The following SORL1 variants were observed in gnomAD, a reference collection of about 807,000 sequenced individuals.
SORL1 encodes sortilin-related receptor.
In SORL1, 127 loss-of-function variants were observed where a neutral mutation model predicts 273.7. The observed-to-expected ratio is 0.46, with a 90% CI of 0.40 to 0.54. The LOEUF (loss-of-function observed/expected upper bound fraction) is 0.54. SORL1 is among the 20% of genes least tolerant of loss of function. The pLI, the probability that SORL1 is intolerant of heterozygous loss-of-function variation, is 0.00. For synonymous variants in SORL1, 1,031 were observed against 1,067.4 expected (o/e 0.97, Z 0.66); for missense variants, 2,494 against 2,846.1 (o/e 0.88, Z 2.81).
Position 121,627,629 on chromosome 11 carries a change from A to C in SORL1, c.6439A>C (p.Ile2147Leu), listed in dbSNP as rs530403192. ...AAVVVPILFLILLSLGVGFAI... is the reference protein window; with the variant it reads ...AAVVVPILFLLLLSLGVGFAI... ...TGTGGTGGTGCCCATCTTATTCCTG[A>C]TACTGCTGAGCCTGGGGGTGGGGTT... Residue 2147 changes from isoleucine to leucine, a missense_variant, in exon 47 of 48, where the codon ATA becomes CTA. By Grantham distance (5) the Ile-to-Leu change is conservative (BLOSUM62 2). This residue lies in a region of SORL1 where 1,609 missense variants were observed against 1,816.4 expected (regional missense o/e 0.89). Coordinates refer to ENST00000260197, the MANE Select transcript of SORL1 (RefSeq NM_003105.6). The surrounding 1 kb of genome is among the most constrained non-coding windows in gnomAD (Gnocchi z 4.9). The C allele has an allele frequency of 1.4e-5, 23 of 1,614,114 alleles. No homozygotes were observed. In the East Asian group the frequency reaches 4.9e-4, roughly 34 times the overall value.
At chr11:121,480,109 C>T (rs541402207) in intron 3 of SORL1, among the ~76,000 whole-genome samples, 1 of 152,236 alleles carries the variant, frequency 6.6e-6, no homozygotes, top group East Asian at 1.9e-4. Flanking sequence ...TCCATATGCG[C>T]CCCGCCTCTC....
intron 41 of SORL1, among the ~76,000 whole-genome samples, 172 bp downstream of exon 41, chr11:121,615,227 A>G (rs565983688): frequency 2.6e-5 from 4 of 152,120 alleles, no homozygotes; most frequent in Admixed American, 6.5e-5. Flanking sequence ...ATGATTCACT[A>G]TGATCAGATC....
At chr11:121,507,529 C>T (rs942397680) in intron 6 of SORL1, among the ~76,000 whole-genome samples, 3 of 151,882 alleles carry the variant, frequency 2.0e-5, no homozygotes, top group African/African-American at 7.3e-5. Context: ...TTTTTATTTT[C>T]CTGGTTCAAA....
intron 1 of SORL1, among the ~76,000 whole-genome samples, chr11:121,466,686 T>A (rs892813411): frequency 7.9e-5 from 12 of 152,152 alleles, no homozygotes; most frequent in African/African-American, 2.9e-4. Flanking sequence ...GCGCATCCAT[T>A]CCTGATTCCT....
chr11:121,573,473 C>T (rs1862879150), intron 23 of SORL1, among the ~76,000 whole-genome samples: 1 of 152,088 alleles, frequency 6.6e-6, no homozygotes. Context: ...TTAACTGGGG[C>T]TGGTGGTGGG....
chr11:121,512,976 A>T (rs1861900349), intron 6 of SORL1, 27 bp from the exon 7 acceptor site: 1 of 1,504,020 alleles, frequency 6.6e-7, no homozygotes, highest in South Asian at 1.1e-5. Flanking sequence ...GGCACCATTA[A>T]TTTTTTTTTC....
intron 25 of SORL1, among the ~76,000 whole-genome samples, chr11:121,579,628 T>C (rs1196806207): frequency 1.3e-5 from 2 of 152,354 alleles, no homozygotes; most frequent in East Asian, 1.9e-4. Flanking sequence ...ATGGGGACTT[T>C]AGAATTTGAT....
chr11:121,597,853 C>G (rs899737225), intron 32 of SORL1, among the ~76,000 whole-genome samples: 2 of 152,158 alleles, frequency 1.3e-5, no homozygotes, highest in Non-Finnish European at 2.9e-5. Flanking sequence ...AAGGAACTGG[C>G]ATAGTTTGCA....
chr11:121,477,006 G>A (rs1016808069), intron 2 of SORL1, among the ~76,000 whole-genome samples: 1 of 151,880 alleles, frequency 6.6e-6, no homozygotes, highest in Non-Finnish European at 1.5e-5. Flanking sequence ...TGCCCAGGCT[G>A]GTCTCAAACT....
chr11:121,613,132 A>T (rs549007091), intron 40 of SORL1, among the ~76,000 whole-genome samples: 1 of 152,324 alleles, frequency 6.6e-6, no homozygotes, highest in African/African-American at 2.4e-5. Context: ...ATGAGTTTTG[A>T]TTTCCAAAAG....
At chr11:121,557,152 T>C (rs991309309) in intron 18 of SORL1, 162 bp from the exon 19 acceptor site, 27 of 646,814 alleles carry the variant, frequency 4.2e-5, no homozygotes, top group Non-Finnish European at 6.7e-5. Context: ...CAGCGCATTG[T>C]GACTAGAAGT....
chr11:121,461,870 G>A (rs914613621), intron 1 of SORL1, among the ~76,000 whole-genome samples: 1 of 152,170 alleles, frequency 6.6e-6, no homozygotes, highest in East Asian at 1.9e-4. Flanking sequence ...GCTTATTTTG[G>A]TTGAGAGGCA....
intron 5 of SORL1, among the ~76,000 whole-genome samples, chr11:121,491,607 G>A (rs985421): frequency 0.033 from 4,952 of 152,222 alleles, 338 homozygotes; most frequent in East Asian, 0.19. Flanking sequence ...TGGAGTCATC[G>A]TTGATTTCAC....
At position 121,622,027 on chromosome 11, in the gene SORL1, C is replaced by A; in HGVS notation, c.6065-135C>A. ...ACCATGTGCTAGGTTCTGTACTCAG[C>A]AATCTATGTGTTTTATTTTTTCTGT... On this transcript the variant is annotated intron_variant, in intron 44 of 47. Coordinates refer to ENST00000260197, the MANE Select transcript of SORL1 (RefSeq NM_003105.6). The A allele has an allele frequency of 5.0e-6, 3 of 598,706 alleles. No homozygotes were observed. In the East Asian group the frequency reaches 8.1e-5, roughly 16 times the overall value. The allele number at this position is 598,706 out of a possible 1,614,324, so 37.1% of individuals were successfully genotyped here.
intron 6 of SORL1, among the ~76,000 whole-genome samples, chr11:121,506,717 A>C (rs1389157510): frequency 6.6e-6 from 1 of 152,184 alleles, no homozygotes; most frequent in African/African-American, 2.4e-5. Context: ...TGTAAATAGC[A>C]TATGGTTGTG....
intron 21 of SORL1, among the ~76,000 whole-genome samples, chr11:121,564,140 G>A (rs1028534667): frequency 1.3e-5 from 2 of 152,178 alleles, no homozygotes; most frequent in African/African-American, 4.8e-5. Flanking sequence ...ATATTGCCTG[G>A]TCCACTCAAG....
Position 121,452,572 on chromosome 11 carries a change from C to T in SORL1, c.241C>T (p.Arg81Trp). 6.6e-7 allele frequency: 1 copy of T among 1,519,160 alleles called. No homozygotes were observed. Among genetic ancestry groups the T allele is most frequent in the East Asian group, 2.6e-5 (1 of 37,748 alleles). 94.1% of individuals were successfully genotyped at this position (1,519,160 alleles called of 1,614,324 possible). A position where few individuals can be genotyped will look rare whatever the true frequency, so the allele number is the denominator to read the frequency against. Reference sequence around the variant, plus strand: ...GGACGAGAAGCCGCTCCGGAGGAAACGGAGCGCTGCCCTGCAGCCCGAGCC... The same window carrying T: ...GGACGAGAAGCCGCTCCGGAGGAAATGGAGCGCTGCCCTGCAGCCCGAGCC... ...RADEKPLRRKRSAALQPEPIK... is the reference protein window; with the variant it reads ...RADEKPLRRKWSAALQPEPIK... Residue 81 changes from arginine to tryptophan, a missense_variant, in exon 1 of 48, where the codon CGG becomes TGG. By Grantham distance (101) the Arg-to-Trp change is moderately radical. This residue lies in a region of SORL1 where 175 missense variants were observed against 147.1 expected (regional missense o/e 1.19). Coordinates refer to ENST00000260197, the MANE Select transcript of SORL1 (RefSeq NM_003105.6). The surrounding 1 kb of genome is among the most constrained non-coding windows in gnomAD (Gnocchi z 5.3).
At chr11:121,525,783 C>T (rs1020650243) in intron 11 of SORL1, among the ~76,000 whole-genome samples, 5 of 152,210 alleles carry the variant, frequency 3.3e-5, no homozygotes, top group Non-Finnish European at 5.9e-5. Flanking sequence ...AGCACAGTGG[C>T]TCTGCCTATA....
intron 35 of SORL1, among the ~76,000 whole-genome samples, chr11:121,605,792 C>T (rs948548106): frequency 3.3e-5 from 5 of 152,220 alleles, no homozygotes; most frequent in African/African-American, 1.2e-4. Flanking sequence ...AGATTCTCTC[C>T]ACCATTGCCC....
Sources: allele counts gnomAD v4.1 joint callset (sites outside exome capture counted in the v4.1 genomes callset), GRCh38; gene constraint gnomAD v4.1.1; regional missense constraint gnomAD v4.1.1; non-coding constraint Gnocchi (gnomAD v3.1); transcripts MANE v1.5; gene names NCBI Gene and HGNC (gene_info 2026-07-23, HGNC 2026-07-21).